The following COG5 variants were observed in gnomAD, a reference collection of about 807,000 sequenced individuals.
COG5 encodes component of oligomeric golgi complex 5.
A neutral mutation model predicts 110.4 loss-of-function variants in COG5; 86 were observed. That is an observed-to-expected ratio of 0.78 (90% CI 0.65 to 0.93). The LOEUF (loss-of-function observed/expected upper bound fraction) is 0.93. COG5 is among the 40% of genes least tolerant of loss of function. The pLI, the probability that COG5 is intolerant of heterozygous loss-of-function variation, is 0.00. For synonymous variants in COG5, 360 were observed against 334.6 expected (o/e 1.08, Z -0.83); for missense variants, 1,077 against 987.0 (o/e 1.09, Z -1.22).
chr7:107,399,614 A>T (rs1234027281), intron 7 of COG5, among the ~76,000 whole-genome samples: 2 of 152,180 alleles, frequency 1.3e-5, no homozygotes, highest in African/African-American at 2.4e-5. Context: ...TGAGTCAATT[A>T]AACCTCTTTT....
chr7:107,470,955 A>G (rs553174242), intron 6 of COG5, among the ~76,000 whole-genome samples: 250 of 152,076 alleles, frequency 1.6e-3, no homozygotes, highest in African/African-American at 5.7e-3. Flanking sequence ...AATTCAAACC[A>G]TGTGCTAATA....
At chr7:107,558,424 C>T (rs1424177450) in intron 1 of COG5, among the ~76,000 whole-genome samples, 1 of 151,640 alleles carries the variant, frequency 6.6e-6, no homozygotes, top group African/African-American at 2.4e-5. Context: ...ATGGTGAAAC[C>T]TCAAACCCCA....
intron 18 of COG5, among the ~76,000 whole-genome samples, chr7:107,234,776 C>T (rs913045970): frequency 2.6e-5 from 4 of 151,712 alleles, no homozygotes; most frequent in African/African-American, 9.7e-5. Flanking sequence ...GTATAGTTCA[C>T]ACTTTTTTTT....
chr7:107,522,482 A>T (rs1305897006), intron 6 of COG5, among the ~76,000 whole-genome samples: 1 of 152,176 alleles, frequency 6.6e-6, no homozygotes, highest in Non-Finnish European at 1.5e-5. Context: ...AAACAACAAC[A>T]ACAACAAAAC....
At position 107,351,235 on chromosome 7, in the gene COG5, C is replaced by G. The variant is rs530029600; in HGVS notation, c.1026+10798G>C. 3.9e-5 allele frequency among the ~76,000 whole-genome samples: 6 copies of G among 152,238 alleles called. 1 individual carries two copies. The South Asian group carries it at 1.2e-3, about 32-fold the overall frequency. On this transcript the variant is annotated intron_variant, in intron 10 of 21. Coordinates refer to ENST00000297135, the MANE Select transcript of COG5 (RefSeq NM_006348.5). ...AGGATTCCCTGTTTAATAAATGGTG[C>G]TGGGAAAACTGGCTAGCCATATGTA...
chr7:107,361,068 T>C (rs1193446406), intron 10 of COG5, among the ~76,000 whole-genome samples: 53 of 152,190 alleles, frequency 3.5e-4, no homozygotes, highest in Admixed American at 3.5e-3. Context: ...ATATTTAATA[T>C]TGTGGACTTA....
At chr7:107,305,859 A>T (rs961399554) in intron 11 of COG5, among the ~76,000 whole-genome samples, 2 of 152,014 alleles carry the variant, frequency 1.3e-5, no homozygotes, top group African/African-American at 4.8e-5. Flanking sequence ...AGCAAAATGG[A>T]GGTTAAAACC....
chr7:107,425,934 C>G (rs967916661), intron 6 of COG5, among the ~76,000 whole-genome samples: 3 of 152,092 alleles, frequency 2.0e-5, no homozygotes, highest in African/African-American at 7.2e-5. Flanking sequence ...AAAGAGGAAA[C>G]TTGGACAATA....
intron 16 of COG5, among the ~76,000 whole-genome samples, chr7:107,252,294 CTAAGA>C (rs1243612004): frequency 6.6e-6 from 1 of 152,094 alleles, no homozygotes; most frequent in African/African-American, 2.4e-5. Flanking sequence ...AATTAGATAA[CTAAGA>C]TGAGTAGACA....
chr7:107,490,630 C>T (rs1797922100), intron 6 of COG5, among the ~76,000 whole-genome samples: 1 of 152,022 alleles, frequency 6.6e-6, no homozygotes, highest in Non-Finnish European at 1.5e-5. Context: ...TTTTGAGGAC[C>T]TACTATATAC....
chr7:107,550,342 C>T lies in COG5; in HGVS notation c.293-2010G>A, dbSNP rs1336039768. 3.3e-5 allele frequency among the ~76,000 whole-genome samples: 5 copies of T among 152,178 alleles called. No homozygotes were observed. The East Asian group carries it at 9.6e-4, about 29-fold the overall frequency. On this transcript the variant is annotated intron_variant, in intron 3 of 21. Transcript: ENST00000297135. Reference sequence around the variant, plus strand: ...CTGATTCCACCATTGCCTTTTTCTACAGAGCTATCAGAGTAAACTATTCCG... The same window carrying T: ...CTGATTCCACCATTGCCTTTTTCTATAGAGCTATCAGAGTAAACTATTCCG...
rs190105899 is a variant in COG5 at position 107,537,855 on chromosome 7, T to C, written c.417+10256A>G. ...GAAGATGCTCAATATCATTAGCCAT[T>C]AGGAAAATGCAAATCAAAATGACAA... On this transcript the variant is annotated intron_variant, in intron 5 of 21. Transcript: ENST00000297135. 5.5e-3 allele frequency among the ~76,000 whole-genome samples: 843 copies of C among 152,130 alleles called. 8 individuals carry two copies. Among genetic ancestry groups the C allele is most frequent in the African/African-American group, 0.02 (812 of 41,514 alleles).
In COG5 at chr7:107,283,646, T is replaced by C; in HGVS notation, c.1400A>G (p.Asn467Ser). The C allele has an allele frequency of 6.2e-7, 1 of 1,613,924 alleles. No individual in the cohort carries two copies. The highest frequency in any genetic ancestry group is 2.2e-5 in the East Asian group (1 of 44,854). ...ACGACCACCCGGGGGAAAAACCAAGTTGATAGGATCGAAGAGTCGAGATAA... is the reference window on the plus strand; with the variant it reads ...ACGACCACCCGGGGGAAAAACCAAGCTGATAGGATCGAAGAGTCGAGATAA... ...KSLSRLFDPINLVFPPGGRNP... is the reference protein window; with the variant it reads ...KSLSRLFDPISLVFPPGGRNP... Residue 467 changes from asparagine (N) to serine (S), a missense_variant, in exon 13 of 22, where the codon AAC becomes AGC. Transcript: ENST00000297135.
chr7:107,543,199 A>C (rs1218733202), intron 5 of COG5, among the ~76,000 whole-genome samples: 1 of 152,162 alleles, frequency 6.6e-6, no homozygotes, highest in African/African-American at 2.4e-5. Flanking sequence ...AAGTTAAAGA[A>C]ACCAGGTAAG....
rs537404832 is a variant in COG5 at position 107,410,163 on chromosome 7, T to C, written c.669+2339A>G. 2.6e-5 allele frequency among the ~76,000 whole-genome samples: 4 copies of C among 152,300 alleles called. No individual in the cohort carries two copies. The South Asian group carries it at 8.3e-4, about 32-fold the overall frequency. On this transcript the variant is annotated intron_variant, in intron 7 of 21. Coordinates refer to ENST00000297135, the MANE Select transcript of COG5 (RefSeq NM_006348.5). The stretch of plus-strand genomic sequence containing the variant: ...AGGGTGAAATAATTTGAGGGTATCA[T>C]CAAGGGGAATACTTCTTGGTACCAG...
At chr7:107,406,099 T>C (rs746275087) in intron 7 of COG5, among the ~76,000 whole-genome samples, 1 of 152,162 alleles carries the variant, frequency 6.6e-6, no homozygotes, top group Non-Finnish European at 1.5e-5. Flanking sequence ...TACATCTAAA[T>C]AAGACAAATG....
Position 107,368,559 on chromosome 7 carries a change from TTTTC to T in COG5, c.835+4032_835+4035del, listed in dbSNP as rs148323352. Among the ~76,000 whole-genome samples, 709 of 152,292 alleles carry T rather than the reference TTTTC, an allele frequency of 4.7e-3. 8 individuals are homozygous for T. Among genetic ancestry groups the T allele is most frequent in the African/African-American group, 0.016 (682 of 41,562 alleles). ...AATTCATTAAGCTACATGTTTATGT[TTTTC>T]TTTAAGTTTTATAATAAAAAGGTAT... On this transcript the variant is annotated intron_variant, in intron 8 of 21. Transcript: ENST00000297135.
chr7:107,371,368 T>A (rs1019127534), intron 8 of COG5, among the ~76,000 whole-genome samples: 1 of 152,094 alleles, frequency 6.6e-6, no homozygotes, highest in African/African-American at 2.4e-5. Flanking sequence ...GGAAAGAGGA[T>A]TGCTTGAGGC....
chr7:107,253,243 G>A (rs1267641113), intron 16 of COG5: 1 of 152,084 alleles, frequency 6.6e-6, no homozygotes, highest in East Asian at 1.9e-4. Flanking sequence ...AGCATCTTGG[G>A]GAATGCCTTC....
Sources: gnomAD v4.1 joint callset for allele counts (sites outside exome capture counted in the v4.1 genomes callset) on GRCh38, gnomAD v4.1.1 for gene constraint, MANE v1.5 for transcripts, NCBI Gene and HGNC (gene_info 2026-07-23, HGNC 2026-07-21) for gene names.